Variants in ZSCAN18 observed in about 807,000 individuals in gnomAD.
ZSCAN18 encodes zinc finger and SCAN domain-containing protein 18.
In ZSCAN18, 16 loss-of-function variants were observed where a neutral mutation model predicts 31.1. The observed-to-expected ratio is 0.51, with a 90% CI of 0.35 to 0.78. ZSCAN18 has a LOEUF of 0.78. ZSCAN18 is among the 30% of genes least tolerant of loss of function. The pLI is 0.01. For missense variants in ZSCAN18, 731 were observed against 697.4 expected, an observed-to-expected ratio of 1.05 and a Z score of -0.54; for synonymous variants, 375 against 320.7, an observed-to-expected ratio of 1.17 and a Z score of -1.81.
chr19:58,101,233 C>T (rs988019242), upstream of ZSCAN18, among the ~76,000 whole-genome samples: 6 of 151,016 alleles, frequency 4.0e-5, no homozygotes, highest in Non-Finnish European at 7.4e-5. Flanking sequence ...CCCGGGTTCA[C>T]GCCATTCTCC....
Position 58,085,493 on chromosome 19 carries a change from C to T in ZSCAN18, c.839-114G>A, listed in dbSNP as rs573684589. 280 of 954,242 alleles carry T rather than the reference C, an allele frequency of 2.9e-4. 2 individuals carry two copies. The African/African-American group carries it at 3.7e-3, about 13-fold the overall frequency. 59.1% of individuals were successfully genotyped at this position (954,242 alleles called of 1,614,324 possible). On this transcript the variant is annotated intron_variant, in intron 6 of 6. Coordinates refer to ENST00000601144, the MANE Select transcript of ZSCAN18 (RefSeq NM_001145543.2). Reference sequence around the variant, plus strand: ...CACAGGGCTCCGGGCTCTGGATCCCCGCGGGGCTCACGGCTGTTTGGAAGC... The same window carrying T: ...CACAGGGCTCCGGGCTCTGGATCCCTGCGGGGCTCACGGCTGTTTGGAAGC...
At chr19:58,102,701 C>A (rs2074605123), upstream of ZSCAN18, among the ~76,000 whole-genome samples, 1 of 151,850 alleles carries the variant, frequency 6.6e-6, no homozygotes, top group African/African-American at 2.4e-5. Context: ...ATCTCAGCAA[C>A]AAGATTTTTT....
At position 58,085,747 on chromosome 19, in the gene ZSCAN18, AG is replaced by A. The variant is rs536325175; in HGVS notation, c.839-369del. 25 of 330,676 alleles carry A rather than the reference AG, an allele frequency of 7.6e-5. 1 individual carries two copies. The South Asian group carries it at 1.5e-3, about 19-fold the overall frequency. 20.5% of individuals were successfully genotyped at this position (330,676 alleles called of 1,614,324 possible). On this transcript the variant is annotated intron_variant, in intron 6 of 6. Transcript: ENST00000601144. Reference sequence around the variant, plus strand: ...GCTCAGAGCGCACCCTCCTGGAGGGAGGGGCCCGGCTGCCAGCGAAGAGAGT... The same window carrying A: ...GCTCAGAGCGCACCCTCCTGGAGGGAGGGCCCGGCTGCCAGCGAAGAGAGT...
intron 3 of ZSCAN18, 42 bp from the exon 4 acceptor site, chr19:58,087,446 G>C (rs2074305967): frequency 6.5e-7 from 1 of 1,549,526 alleles, no homozygotes; most frequent in East Asian, 2.3e-5. Flanking sequence ...TGAGCTCCCT[G>C]TGGCCAGGTG....
chr19:58,116,837 G>A (rs955415543), intron 1 of ZSCAN18, among the ~76,000 whole-genome samples: 3 of 152,296 alleles, frequency 2.0e-5, no homozygotes, highest in African/African-American at 7.2e-5. Context: ...GCAAGGAGAT[G>A]CCCGTACCAG....
intron 6 of ZSCAN18, 157 bp downstream of exon 6, chr19:58,086,017 T>G: frequency 1.6e-6 from 1 of 645,124 alleles, no homozygotes; most frequent in South Asian, 1.9e-5. Context: ...TGGACGTAAC[T>G]GGATTCCTGC....
At chr19:58,097,081 A>G (rs1234550727) in intron 1 of ZSCAN18, among the ~76,000 whole-genome samples, 3 of 152,170 alleles carry the variant, frequency 2.0e-5, no homozygotes, top group Non-Finnish European at 4.4e-5. Context: ...TCCGCAGGAC[A>G]TGATGGGATG....
chr19:58,104,029 GTCCTGAC>G (rs1201303718), intron 1 of ZSCAN18, among the ~76,000 whole-genome samples: 1 of 152,210 alleles, frequency 6.6e-6, no homozygotes, highest in African/African-American at 2.4e-5. Flanking sequence ...CCAGAGCAAG[GTCCTGAC>G]TCTCTTCATT....
chr19:58,098,246 G>C (rs1234728244), upstream of ZSCAN18: 4 of 985,384 alleles, frequency 4.1e-6, no homozygotes, highest in Admixed American at 1.2e-4. Flanking sequence ...GGCAAACTGC[G>C]CCTGCGCACT....
At chr19:58,087,225 C>A in intron 4 of ZSCAN18, 91 bp downstream of exon 4, 1 of 1,362,456 alleles carries the variant, frequency 7.3e-7, no homozygotes. Context: ...ACGTTTGGGG[C>A]CACAGCCCTC....
At chr19:58,095,213 G>A (rs1255188157) in intron 1 of ZSCAN18, among the ~76,000 whole-genome samples, 4 of 152,204 alleles carry the variant, frequency 2.6e-5, no homozygotes, top group African/African-American at 9.7e-5. Context: ...GTGTGGTCCT[G>A]CAGGCATGTA....
At position 58,104,310 on chromosome 19, in the gene ZSCAN18, C is replaced by T. The variant is rs142278027; in HGVS notation, c.131-13924G>A. On this transcript the variant is annotated intron_variant, in intron 1 of 1. Transcript: ENST00000595721. ...AGGAGAATTGCTTGAACCTGGGAGG[C>T]GAAGGTTGCAGTGAGCTGAGATCGT... Among the ~76,000 whole-genome samples, 15 of 151,684 alleles carry T rather than the reference C, an allele frequency of 9.9e-5. No homozygotes were observed. In the East Asian group the frequency reaches 2.1e-3, roughly 21 times the overall value.
At chr19:58,095,392 T>TA (rs1282866004) in intron 1 of ZSCAN18, among the ~76,000 whole-genome samples, 7 of 152,036 alleles carry the variant, frequency 4.6e-5, no homozygotes, top group Non-Finnish European at 7.4e-5. Flanking sequence ...AAGTGGGAAA[T>TA]AGAGGCACGA....
chr19:58,107,106 C>A (rs1038694410), intron 1 of ZSCAN18, among the ~76,000 whole-genome samples: 12 of 152,046 alleles, frequency 7.9e-5, no homozygotes, highest in African/African-American at 2.7e-4. Context: ...GTCAAAATTA[C>A]TCCTGATCTA....
At position 58,085,139 on chromosome 19, in the gene ZSCAN18, G is replaced by C; in HGVS notation, c.1079C>G (p.Pro360Arg). 1 of 1,610,188 alleles carries C rather than the reference G, an allele frequency of 6.2e-7. No individual in the cohort carries two copies. Among genetic ancestry groups the C allele is most frequent in the South Asian group, 1.1e-5 (1 of 90,778 alleles). The change falls in exon 7 of 7, where the codon CCG (proline) becomes CGG (arginine). Residue 360 changes from proline to arginine, a missense_variant. By Grantham distance (103) the Pro-to-Arg change is moderately radical. Transcript: ENST00000601144. ...QRQSVIQQPA[P>R]DRGTAKLGTK... ...TCCCAGTTTCGCCGTGCCCCTGTCC[G>C]GGGCAGGCTGCTGGATGACGGACTG...
In ZSCAN18 at chr19:58,086,918, G is replaced by T; in HGVS notation, c.733C>A (p.Leu245Met). The T allele has an allele frequency of 6.2e-7, 1 of 1,613,712 alleles. No homozygotes were observed. Among genetic ancestry groups the T allele is most frequent in the Non-Finnish European group, 8.5e-7 (1 of 1,179,924 alleles). ...AEENLKSYRK[L>M]LLWGYQLSQP... is the part of the protein sequence containing the mutation. The stretch of plus-strand genomic sequence containing the variant: ...AGGCGACTCTCACCCCACAGGAGCA[G>T]CTTCCGGTAGCTCTTCAGGTTCTCC... Residue 245 changes from leucine to methionine, a missense_variant, in exon 5 of 7, where the codon CTG (leucine) becomes ATG (methionine). Coordinates refer to ENST00000601144, the MANE Select transcript of ZSCAN18 (RefSeq NM_001145543.2).
chr19:58,086,621 C>A, intron 5 of ZSCAN18: 1 of 496,078 alleles, frequency 2.0e-6, no homozygotes, highest in Non-Finnish European at 3.6e-6. Context: ...AGGTGAGGCC[C>A]TGTATCTGGC....
chr19:58,101,472 T>C (rs932086208), upstream of ZSCAN18, among the ~76,000 whole-genome samples: 8 of 150,040 alleles, frequency 5.3e-5, no homozygotes, highest in Non-Finnish European at 8.9e-5. Flanking sequence ...TTCAAAGTTA[T>C]TTTAACTATT....
Position 58,118,036 on chromosome 19 carries a change from G to T in ZSCAN18, c.130+231C>A, listed in dbSNP as rs551156884. 4.1e-3 allele frequency among the ~76,000 whole-genome samples: 619 copies of T among 152,216 alleles called. 4 individuals are homozygous for T. Among genetic ancestry groups the T allele is most frequent in the Middle Eastern group, 6.8e-3 (2 of 294 alleles). Reference sequence around the variant, plus strand: ...TGCGGGGAGAGGCGTTAGGGGGTCCGCGCCCGGCGAGGAGATGCGCGTACC... The same window carrying T: ...TGCGGGGAGAGGCGTTAGGGGGTCCTCGCCCGGCGAGGAGATGCGCGTACC... On this transcript the variant is annotated intron_variant, in intron 1 of 1. Coordinates refer to the ZSCAN18 transcript ENST00000595721.
Sources: gnomAD v4.1 joint callset for allele counts (sites outside exome capture counted in the v4.1 genomes callset) on GRCh38, gnomAD v4.1.1 for gene constraint, MANE v1.5 for transcripts, NCBI Gene and HGNC (gene_info 2026-07-23, HGNC 2026-07-21) for gene names.